The following KITLG variants were observed in gnomAD, a reference collection of about 807,000 sequenced individuals.
The protein encoded by KITLG is KIT ligand, also known as c-Kit ligand.
Under a neutral mutation model 34.1 loss-of-function variants are expected in KITLG, and 13 were observed. The observed-to-expected ratio is 0.38, with a 90% CI of 0.25 to 0.61. The LOEUF (loss-of-function observed/expected upper bound fraction) is 0.61, where lower values mean the gene tolerates loss of function less well. Among genes scored for constraint, KITLG ranks in the 20% least tolerant of loss-of-function variants. KITLG has a pLI of 0.60. For missense variants in KITLG, 292 were observed against 318.9 expected, an observed-to-expected ratio of 0.92 and a Z score of 0.64; for synonymous variants, 110 against 104.0, an observed-to-expected ratio of 1.06 and a Z score of -0.35.
At chr12:88,501,970 A>G (rs1868878315) in intron 9 of KITLG, among the ~76,000 whole-genome samples, 1 of 152,174 alleles carries the variant, frequency 6.6e-6, no homozygotes, top group Admixed American at 6.6e-5. Flanking sequence ...AGGGCACAAA[A>G]TGTTCATTTA....
At chr12:88,577,123 G>A (rs1458192410) in intron 1 of KITLG, among the ~76,000 whole-genome samples, 3 of 152,090 alleles carry the variant, frequency 2.0e-5, no homozygotes, top group Non-Finnish European at 2.9e-5. Context: ...CAAATTGAGT[G>A]ATCTTAAGGA....
rs995029 is a variant in KITLG at position 88,496,744 on chromosome 12, C to T, written c.*475G>A. ...ACTACTGAGTTTTAAACATTTTTTC[C>T]AGATCCCTTTGAGAAAAATTGTTAC... On this transcript the variant is annotated 3_prime_UTR_variant, in exon 10 of 10. Coordinates refer to ENST00000644744, the MANE Select transcript of KITLG (RefSeq NM_000899.5). 118,970 of 153,160 alleles carry T rather than the reference C, an allele frequency of 0.78. 49,206 individuals carry two copies. Among genetic ancestry groups the T allele is most frequent in the Middle Eastern group, 0.93 (274 of 296 alleles). The allele number at this position is 153,160 out of a possible 1,614,324, so 9.5% of individuals were successfully genotyped here.
intron 1 of KITLG, among the ~76,000 whole-genome samples, chr12:88,559,975 T>C (rs41301123): frequency 3.9e-5 from 6 of 152,350 alleles, no homozygotes; most frequent in African/African-American, 1.4e-4. Flanking sequence ...GCAGGCTCAC[T>C]GTTTATGAAG....
At chr12:88,526,642 C>T (rs1267562668) in intron 3 of KITLG, among the ~76,000 whole-genome samples, 1 of 152,146 alleles carries the variant, frequency 6.6e-6, no homozygotes, top group Non-Finnish European at 1.5e-5. Flanking sequence ...AAAACTGCTA[C>T]TCTGAGGAGT....
At chr12:88,506,478 C>A in intron 7 of KITLG, 100 bp from the exon 8 acceptor site, 1 of 837,910 alleles carries the variant, frequency 1.2e-6, no homozygotes, top group South Asian at 1.4e-5. Context: ...GGCAATAACT[C>A]CAATAACAGT....
intron 3 of KITLG, among the ~76,000 whole-genome samples, chr12:88,519,270 G>T (rs1869572883): frequency 6.6e-6 from 1 of 152,042 alleles, no homozygotes; most frequent in South Asian, 2.1e-4. Context: ...AGGGACTATT[G>T]TAATAGGAGG....
intron 1 of KITLG, among the ~76,000 whole-genome samples, chr12:88,567,049 C>T (rs1416063515): frequency 6.6e-6 from 1 of 152,184 alleles, no homozygotes; most frequent in African/African-American, 2.4e-5. Flanking sequence ...CTTTTTAAAT[C>T]TAATTCTGTT....
At chr12:88,501,099 CT>C (rs1233827138) in intron 9 of KITLG, among the ~76,000 whole-genome samples, 6 of 152,116 alleles carry the variant, frequency 3.9e-5, no homozygotes, top group Admixed American at 3.3e-4. Context: ...CTAGGTGCAA[CT>C]TTTTTTGTTG....
intron 1 of KITLG, among the ~76,000 whole-genome samples, chr12:88,558,711 C>T (rs993727062): frequency 6.6e-6 from 1 of 152,122 alleles, no homozygotes; most frequent in East Asian, 1.9e-4. Context: ...CAGAGGGAAT[C>T]CAAATTTCTG....
intron 1 of KITLG, among the ~76,000 whole-genome samples, chr12:88,556,218 C>CAAAAAA (rs5799868): frequency 8.0e-6 from 1 of 125,012 alleles, no homozygotes. Flanking sequence ...AAAGAATAAG[C>CAAAAAA]AAAAAAAAAA....
intron 4 of KITLG, among the ~76,000 whole-genome samples, chr12:88,518,186 A>G (rs184545041): frequency 9.2e-5 from 14 of 152,204 alleles, no homozygotes; most frequent in Admixed American, 8.5e-4. Flanking sequence ...TTAAACTCCA[A>G]TATCTCACTC....
intron 9 of KITLG, among the ~76,000 whole-genome samples, chr12:88,499,931 C>T (rs1234855107): frequency 6.6e-6 from 1 of 152,182 alleles, no homozygotes; most frequent in Non-Finnish European, 1.5e-5. Flanking sequence ...TCTTGCCATA[C>T]CAACACCCGA....
At chr12:88,558,507 C>T (rs1156489821) in intron 1 of KITLG, among the ~76,000 whole-genome samples, 1 of 152,190 alleles carries the variant, frequency 6.6e-6, no homozygotes, top group East Asian at 1.9e-4. Context: ...GCAAAGGTCA[C>T]AAACTGGCTT....
At chr12:88,502,333 T>C (rs959953808) in intron 9 of KITLG, among the ~76,000 whole-genome samples, 5 of 152,314 alleles carry the variant, frequency 3.3e-5, no homozygotes, top group East Asian at 1.9e-4. Context: ...TATTCCCCCT[T>C]GATATGCATA....
chr12:88,579,700 T>C (rs1166143634), intron 1 of KITLG, among the ~76,000 whole-genome samples: 1 of 151,890 alleles, frequency 6.6e-6, no homozygotes, highest in East Asian at 2.0e-4. Context: ...GAGCCAAGTT[T>C]CCCGGGCAGG....
intron 9 of KITLG, among the ~76,000 whole-genome samples, chr12:88,501,350 T>C (rs1252808261): frequency 1.3e-5 from 2 of 152,198 alleles, no homozygotes; most frequent in African/African-American, 4.8e-5. Context: ...CCCTTCCTTG[T>C]TAACCAAGAA....
chr12:88,573,160 C>G (rs989695178), intron 1 of KITLG, among the ~76,000 whole-genome samples: 1 of 152,216 alleles, frequency 6.6e-6, no homozygotes, highest in African/African-American at 2.4e-5. Context: ...GAAAACATCT[C>G]TACCCTCCCT....
At chr12:88,532,087 C>T (rs925236457) in intron 3 of KITLG, among the ~76,000 whole-genome samples, 1 of 151,906 alleles carries the variant, frequency 6.6e-6, no homozygotes, top group Non-Finnish European at 1.5e-5. Flanking sequence ...AGGTTATATG[C>T]AAATACTATG....
At chr12:88,551,906 T>G (rs1373157028) in intron 1 of KITLG, among the ~76,000 whole-genome samples, 1 of 152,096 alleles carries the variant, frequency 6.6e-6, no homozygotes, top group Non-Finnish European at 1.5e-5. Flanking sequence ...TCCTTAAAAA[T>G]GGAGACTATT....
Sources: allele counts gnomAD v4.1 joint callset (sites outside exome capture counted in the v4.1 genomes callset), GRCh38; gene constraint gnomAD v4.1.1; transcripts MANE v1.5; gene names NCBI Gene and HGNC (gene_info 2026-07-23, HGNC 2026-07-21).